The following NDUFS4 variants were observed in gnomAD, a reference collection of about 807,000 sequenced individuals.
NDUFS4 encodes the protein NADH dehydrogenase [ubiquinone] iron-sulfur protein 4, mitochondrial.
Under a neutral mutation model 24.3 loss-of-function variants are expected in NDUFS4, and 28 were observed. The ratio of observed to expected loss-of-function variants is 1.15; its 90% CI spans 0.85 to 1.58. The LOEUF is 1.58. Ranked by LOEUF, NDUFS4 falls within the 40% of genes most tolerant of loss-of-function variation. NDUFS4 has a pLI of 0.00. For synonymous variants in NDUFS4, 93 were observed against 69.7 expected (o/e 1.34, Z -1.67); for missense variants, 223 against 207.9 (o/e 1.07, Z -0.45).
chr5:53,610,549 C>CA (rs369813902), intron 2 of NDUFS4, among the ~76,000 whole-genome samples: 25 of 149,258 alleles, frequency 1.7e-4, no homozygotes, highest in African/African-American at 4.9e-4. Flanking sequence ...CATAAAAAAA[C>CA]AAAAAAAAAG....
At chr5:53,634,006 A>G (rs1178762046) in intron 2 of NDUFS4, among the ~76,000 whole-genome samples, 2 of 152,220 alleles carry the variant, frequency 1.3e-5, no homozygotes, top group Non-Finnish European at 2.9e-5. Flanking sequence ...AGATTATTAA[A>G]AGAATACACG....
chr5:53,613,791 G>A (rs1338900609), intron 2 of NDUFS4, among the ~76,000 whole-genome samples: 5 of 151,750 alleles, frequency 3.3e-5, no homozygotes, highest in African/African-American at 7.2e-5. Flanking sequence ...TTCCTTAATT[G>A]TTCCTTTTTT....
At chr5:53,675,249 G>T (rs1356969749) in intron 4 of NDUFS4, among the ~76,000 whole-genome samples, 3 of 136,170 alleles carry the variant, frequency 2.2e-5, no homozygotes, top group African/African-American at 8.3e-5. Flanking sequence ...TGCAAGCTCT[G>T]CCTCCCGGGT....
intron 1 of NDUFS4, among the ~76,000 whole-genome samples, chr5:53,590,858 A>G (rs1429368471): frequency 6.6e-6 from 1 of 152,202 alleles, no homozygotes; most frequent in Non-Finnish European, 1.5e-5. Context: ...TTGTTGTGCA[A>G]CCATTACCAT....
chr5:53,603,365 T>C (rs1750390360), intron 1 of NDUFS4, 87 bp from the exon 2 acceptor site: 4 of 875,436 alleles, frequency 4.6e-6, no homozygotes, highest in Non-Finnish European at 7.4e-6. Context: ...AAGACAGATA[T>C]TGTTAAAGTA....
chr5:53,630,897 C>T (rs922955304), intron 2 of NDUFS4, among the ~76,000 whole-genome samples: 2 of 152,194 alleles, frequency 1.3e-5, no homozygotes, highest in African/African-American at 4.8e-5. Context: ...TTGTCAGACT[C>T]ATTCTCCGTC....
At chr5:53,571,845 GT>G (rs779058405) in intron 1 of NDUFS4, among the ~76,000 whole-genome samples, 3 of 152,088 alleles carry the variant, frequency 2.0e-5, no homozygotes, top group Non-Finnish European at 2.9e-5. Flanking sequence ...TGAAGTATCT[GT>G]TTATGTCTTT....
At chr5:53,580,720 T>TTTCCTTTCC (rs1749536509) in intron 1 of NDUFS4, among the ~76,000 whole-genome samples, 1 of 124,962 alleles carries the variant, frequency 8.0e-6, no homozygotes, top group Non-Finnish European at 1.9e-5. Flanking sequence ...TTCCTTTTCC[T>TTTCCTTTCC]TTTCCTTTTC....
Position 53,646,238 on chromosome 5 carries a change from C to T in NDUFS4, c.183C>T (p.Ile61=). ...TTTTTCTTGTTTTTCTGTAGGATAT[C>T]ACTACTTTAACTGGAGTTCCAGAAG... ...QLITVDEKLD[I]TTLTGVPEEH... The change falls in exon 3 of 5, where the codon ATC becomes ATT. Residue 61 remains isoleucine, a synonymous_variant. Coordinates refer to ENST00000296684, the MANE Select transcript of NDUFS4 (RefSeq NM_002495.4). 2 of 1,607,126 alleles carry T rather than the reference C, an allele frequency of 1.2e-6. No individual in the cohort carries two copies. The highest frequency in any genetic ancestry group is 1.7e-6 in the Non-Finnish European group (2 of 1,174,610).
At chr5:53,571,122 A>G (rs564151440) in intron 1 of NDUFS4, among the ~76,000 whole-genome samples, 2 of 152,254 alleles carry the variant, frequency 1.3e-5, no homozygotes, top group South Asian at 2.1e-4. Flanking sequence ...ACTGGTTTTC[A>G]TATATTCCCA....
At position 53,652,976 on chromosome 5, in the gene NDUFS4, A is replaced by T. The variant is rs368630764; in HGVS notation, c.351-5575A>T. On this transcript the variant is annotated intron_variant, in intron 3 of 4. Coordinates refer to ENST00000296684, the MANE Select transcript of NDUFS4 (RefSeq NM_002495.4). ...ACAATCTTTTATCTTTTAGGTTAGT[A>T]AATGCTTACTTTTCATTTATTTCTG... 3.9e-5 allele frequency among the ~76,000 whole-genome samples: 6 copies of T among 152,010 alleles called. No individual in the cohort carries two copies. The South Asian group carries it at 1.0e-3, about 26-fold the overall frequency.
At chr5:53,570,594 A>G (rs765046681) in intron 1 of NDUFS4, among the ~76,000 whole-genome samples, 4 of 151,688 alleles carry the variant, frequency 2.6e-5, no homozygotes, top group Non-Finnish European at 5.9e-5. Flanking sequence ...CGTTTTCCAG[A>G]GTGGTTGTAC....
At chr5:53,565,824 A>T (rs1405201317) in intron 1 of NDUFS4, among the ~76,000 whole-genome samples, 1 of 152,208 alleles carries the variant, frequency 6.6e-6, no homozygotes, top group Non-Finnish European at 1.5e-5. Context: ...GGGAAAGGGT[A>T]CCCTTGGAAC....
rs150182265 is a variant in NDUFS4 at position 53,661,020 on chromosome 5, C to G, written c.424+2396C>G. ...TTTAGTTTGATTAGATCCCATTTGT[C>G]AATTCTGGCTTTTGTTGCCATTGCT... On this transcript the variant is annotated intron_variant, in intron 4 of 4. Transcript: ENST00000296684. Among the ~76,000 whole-genome samples, 56 of 152,308 alleles carry G rather than the reference C, an allele frequency of 3.7e-4. 1 individual carries two copies. In the East Asian group the frequency reaches 0.01, roughly 28 times the overall value.
At chr5:53,603,610 C>T in intron 2 of NDUFS4, 80 bp downstream of exon 2, 1 of 1,093,816 alleles carries the variant, frequency 9.1e-7, no homozygotes, top group Non-Finnish European at 1.4e-6. Context: ...TATGGTGTTC[C>T]AGGTTTTCAG....
At chr5:53,656,751 CAG>C (rs1358099810) in intron 3 of NDUFS4, among the ~76,000 whole-genome samples, 2 of 151,968 alleles carry the variant, frequency 1.3e-5, no homozygotes, top group Non-Finnish European at 2.9e-5. Context: ...TTGAACTGGG[CAG>C]AGAGTGAGTT....
intron 1 of NDUFS4, among the ~76,000 whole-genome samples, chr5:53,581,917 A>G (rs1443690359): frequency 6.6e-6 from 1 of 152,254 alleles, no homozygotes; most frequent in Non-Finnish European, 1.5e-5. Context: ...TCATTAAAAT[A>G]AATGTGAGCT....
chr5:53,589,280 T>G (rs904977364), intron 1 of NDUFS4, among the ~76,000 whole-genome samples: 2 of 152,208 alleles, frequency 1.3e-5, no homozygotes, highest in Non-Finnish European at 2.9e-5. Context: ...AGAGAATTGC[T>G]TATCAAACTG....
intron 2 of NDUFS4, among the ~76,000 whole-genome samples, chr5:53,618,323 T>C (rs1221538414): frequency 6.6e-6 from 1 of 152,120 alleles, no homozygotes; most frequent in Non-Finnish European, 1.5e-5. Flanking sequence ...CACTAAAAAG[T>C]GTTTTTCTTC....
Sources: allele counts gnomAD v4.1 joint callset (sites outside exome capture counted in the v4.1 genomes callset), GRCh38; gene constraint gnomAD v4.1.1; transcripts MANE v1.5; gene names NCBI Gene and HGNC (gene_info 2026-07-23, HGNC 2026-07-21).